The following PHACTR2 variants were observed in gnomAD, a reference collection of about 807,000 sequenced individuals.
PHACTR2 encodes the protein chromosome 6 open reading frame 56.
PHACTR2 carries 30 observed loss-of-function variants against 76.0 expected under a neutral mutation model. The observed-to-expected ratio is 0.39, with a 90% CI of 0.30 to 0.54. The LOEUF (loss-of-function observed/expected upper bound fraction) is 0.54, where lower values mean the gene tolerates loss of function less well. Among genes scored for constraint, PHACTR2 ranks in the 20% least tolerant of loss-of-function variants. The pLI, the probability that PHACTR2 is intolerant of heterozygous loss-of-function variation, is 0.61. For missense variants in PHACTR2, 696 were observed against 781.1 expected (o/e 0.89, Z 1.30); for synonymous variants, 292 against 292.5 (o/e 1.00, Z 0.02).
Position 143,760,639 on chromosome 6 carries a change from T to C in PHACTR2, c.693T>C (p.Ala231=), listed in dbSNP as rs1355099383. The C allele has an allele frequency of 6.2e-7, 1 of 1,613,678 alleles. No homozygotes were observed. The highest frequency in any genetic ancestry group is 8.5e-7 in the Non-Finnish European group (1 of 1,179,806). The change falls in exon 5 of 13, where the codon GCT becomes GCC. Residue 231 remains alanine, a splice_region_variant and synonymous_variant. Transcript: ENST00000440869. This position sits in a 1 kb window ranked among gnomAD's most constrained non-coding sequence, Gnocchi z 6.4. ...KPASRNTTRE[A]AGSSHSKKTT... is the part of the protein sequence containing the mutation. ...CAAGCCGAAACACGACCCGAGAGGC[T>C]GGTGAGTATGCCCCCAGTGCCCTGT... is the stretch of plus-strand genomic sequence containing the variant.
chr6:143,565,859 C>T (rs1166306142), intron 1 of PHACTR2, among the ~76,000 whole-genome samples: 2 of 151,850 alleles, frequency 1.3e-5, no homozygotes, highest in Non-Finnish European at 1.5e-5. Context: ...TCACTTTGGG[C>T]GGGAAGGGGA....
rs1656843577 is a variant in PHACTR2, at chr6:143,646,339, T to C, written c.13+38017T>C. 6.6e-6 allele frequency among the ~76,000 whole-genome samples: 1 copy of C among 152,222 alleles called. No homozygotes were observed. Among genetic ancestry groups the C allele is most frequent in the African/African-American group, 2.4e-5 (1 of 41,468 alleles). On this transcript the variant is annotated intron_variant, in intron 1 of 11. Coordinates refer to the PHACTR2 transcript ENST00000305766. This position sits in a 1 kb window ranked among gnomAD's most constrained non-coding sequence, Gnocchi z 4.1. ...CTCCTAAATAGAACAAGCATTTATC[T>C]AACCTTAATATCATAGCATAACTCC...
At chr6:143,670,928 C>CT (rs35247865) in intron 1 of PHACTR2, among the ~76,000 whole-genome samples, 178 of 145,678 alleles carry the variant, frequency 1.2e-3, no homozygotes, top group East Asian at 4.7e-3. Context: ...AGGCCAAGGC[C>CT]TTTTTTTTTT....
chr6:143,700,025 C>G lies in PHACTR2; in HGVS notation c.47-11991C>G, dbSNP rs952482351. ...GATACTACATGTGGCCACGGTCTCT[C>G]CACAGATACCGGCCTTGGGGACCCT... is the stretch of plus-strand genomic sequence containing the variant. On this transcript the variant is annotated intron_variant, in intron 1 of 12. Transcript: ENST00000440869. This position sits in a 1 kb window ranked among gnomAD's most constrained non-coding sequence, Gnocchi z 4.1. 3.3e-5 allele frequency among the ~76,000 whole-genome samples: 5 copies of G among 152,150 alleles called. No individual in the cohort carries two copies. Among genetic ancestry groups the G allele is most frequent in the African/African-American group, 1.2e-4 (5 of 41,432 alleles).
rs1776906740 is a variant in PHACTR2, at chr6:143,659,338, C to T, written c.13+51016C>T. 6.6e-6 allele frequency among the ~76,000 whole-genome samples: 1 copy of T among 152,164 alleles called. No homozygotes were observed. Among genetic ancestry groups the T allele is most frequent in the Non-Finnish European group, 1.5e-5 (1 of 68,038 alleles). On this transcript the variant is annotated intron_variant, in intron 1 of 11. Transcript: ENST00000305766. This position sits in a 1 kb window ranked among gnomAD's most constrained non-coding sequence, Gnocchi z 5.0. ...AGCAACACGTAGCTTAAGACACAAA[C>T]TCACTGTACAGCTGTATAAAAACCC...
rs1413625236 is a variant in PHACTR2, at chr6:143,790,983, A to T, written c.1845+2073A>T. On this transcript the variant is annotated intron_variant, in intron 11 of 12. Transcript: ENST00000440869. ...TGAGCCATGGCGCCCGGCCAACAAG[A>T]TTCTTAAACTTAATACAGTCGAATT... 4.6e-5 allele frequency among the ~76,000 whole-genome samples: 7 copies of T among 152,272 alleles called. No individual in the cohort carries two copies. The East Asian group carries it at 1.4e-3, about 29-fold the overall frequency.
intron 1 of PHACTR2, among the ~76,000 whole-genome samples, chr6:143,564,113 TA>T (rs1775322652): frequency 6.7e-6 from 1 of 149,818 alleles, no homozygotes; most frequent in African/African-American, 2.4e-5. Flanking sequence ...AGAAAATTGT[TA>T]AACTGTTTAC....
intron 4 of PHACTR2, among the ~76,000 whole-genome samples, chr6:143,758,115 C>T (rs1396907925): frequency 2.6e-5 from 4 of 152,162 alleles, no homozygotes; most frequent in African/African-American, 9.7e-5. Context: ...TCATTTTCTC[C>T]CTAGTAGGTC....
At chr6:143,726,675 A>C (rs1778579056) in intron 2 of PHACTR2, among the ~76,000 whole-genome samples, 1 of 152,136 alleles carries the variant, frequency 6.6e-6, no homozygotes, top group South Asian at 2.1e-4. Flanking sequence ...GGCTGCATCC[A>C]TCTCTTGGCT....
rs1776554783 is a variant in PHACTR2 at position 143,641,074 on chromosome 6, G to A, written c.13+32752G>A. Among the ~76,000 whole-genome samples, 1 of 152,168 alleles carries A rather than the reference G, an allele frequency of 6.6e-6. No homozygotes were observed. The highest frequency in any genetic ancestry group is 6.5e-5 in the Admixed American group (1 of 15,276). On this transcript the variant is annotated intron_variant, in intron 1 of 11. Coordinates refer to the PHACTR2 transcript ENST00000305766. The surrounding 1 kb of genome is among the most constrained non-coding windows in gnomAD (Gnocchi z 5.8). ...GTCCACGATCAAGGTGCTGGCATCTGCTGAGGGCATTCTTCATGACTCAGG... is the reference window on the plus strand; with the variant it reads ...GTCCACGATCAAGGTGCTGGCATCTACTGAGGGCATTCTTCATGACTCAGG...
upstream of PHACTR2, among the ~76,000 whole-genome samples, chr6:143,606,407 G>A (rs1413838671): frequency 6.6e-6 from 1 of 152,244 alleles, no homozygotes; most frequent in East Asian, 1.9e-4. Context: ...TGTTTCGAAC[G>A]ACCAATAAAA....
chr6:143,755,162 G>A lies in PHACTR2; in HGVS notation c.454+1250G>A, dbSNP rs1306463590. 1.7e-5 allele frequency: 7 copies of A among 422,048 alleles called. No individual in the cohort carries two copies. The highest frequency in any genetic ancestry group is 3.4e-5 in the Non-Finnish European group (7 of 208,770). 26.1% of individuals were successfully genotyped at this position (422,048 alleles called of 1,614,324 possible). ...GGTTAAGCTTATGTACACAAATTATGAAATTAACTAATACTTTCAATGATA... is the reference window on the plus strand; with the variant it reads ...GGTTAAGCTTATGTACACAAATTATAAAATTAACTAATACTTTCAATGATA... On this transcript the variant is annotated intron_variant, in intron 4 of 12. Transcript: ENST00000440869. The surrounding 1 kb of genome is among the most constrained non-coding windows in gnomAD (Gnocchi z 5.2).
chr6:143,721,472 A>C (rs1778441080), intron 2 of PHACTR2, among the ~76,000 whole-genome samples: 1 of 152,200 alleles, frequency 6.6e-6, no homozygotes, highest in Non-Finnish European at 1.5e-5. Flanking sequence ...TTAGCCATCT[A>C]GTTCTCTCTC....
At chr6:143,717,145 C>T (rs1778321855) in intron 2 of PHACTR2, among the ~76,000 whole-genome samples, 1 of 152,212 alleles carries the variant, frequency 6.6e-6, no homozygotes, top group Non-Finnish European at 1.5e-5. Context: ...GTCACTGGCT[C>T]AGCATGCCCC....
At chr6:143,685,012 T>C (rs1053443855) in intron 1 of PHACTR2, among the ~76,000 whole-genome samples, 4 of 152,182 alleles carry the variant, frequency 2.6e-5, no homozygotes, top group African/African-American at 9.6e-5. Context: ...ATTCAGGAGA[T>C]TAACCTAATG....
Position 143,830,642 on chromosome 6 carries a change from C to T in PHACTR2, c.*6953C>T, listed in dbSNP as rs1434791479. 1 of 151,966 alleles carries T rather than the reference C, an allele frequency of 6.6e-6. No homozygotes were observed. Among genetic ancestry groups the T allele is most frequent in the Non-Finnish European group, 1.5e-5 (1 of 67,954 alleles). The allele number at this position is 151,966 out of a possible 1,614,324, so 9.4% of individuals were successfully genotyped here. ...GACTATGTATTCCCTTTTTTAATTC[C>T]GTACTGGTATTTGTGTTATTTAAAA... On this transcript the variant is annotated 3_prime_UTR_variant, in exon 13 of 13. Coordinates refer to ENST00000440869, the MANE Select transcript of PHACTR2 (RefSeq NM_001100164.2).
intron 12 of PHACTR2, among the ~76,000 whole-genome samples, chr6:143,813,597 A>G (rs924762581): frequency 4.1e-5 from 6 of 146,890 alleles, no homozygotes; most frequent in South Asian, 2.2e-4. Context: ...CAGCCTGGGC[A>G]ACAGAGCGAG....
At position 143,731,347 on chromosome 6, in the gene PHACTR2, G is replaced by A. The variant is rs1382981409; in HGVS notation, c.215-17638G>A. Among the ~76,000 whole-genome samples, 1 of 151,994 alleles carries A rather than the reference G, an allele frequency of 6.6e-6. No homozygotes were observed. The highest frequency in any genetic ancestry group is 2.4e-5 in the African/African-American group (1 of 41,376). On this transcript the variant is annotated intron_variant, in intron 2 of 12. Coordinates refer to ENST00000440869, the MANE Select transcript of PHACTR2 (RefSeq NM_001100164.2). The surrounding 1 kb of genome is among the most constrained non-coding windows in gnomAD (Gnocchi z 4.9). ...TTGTTGCCCAGGCTGGAGTGCAATGGCACGGTCTTGGCTCACAGCAACCTC... is the reference window on the plus strand; with the variant it reads ...TTGTTGCCCAGGCTGGAGTGCAATGACACGGTCTTGGCTCACAGCAACCTC...
chr6:143,706,977 T>G (rs73778669), intron 1 of PHACTR2, among the ~76,000 whole-genome samples: 1 of 152,168 alleles, frequency 6.6e-6, no homozygotes, highest in African/African-American at 2.4e-5. Context: ...ATTGTTTCAA[T>G]TGAGAGAGAG....
Sources: allele counts gnomAD v4.1 joint callset (sites outside exome capture counted in the v4.1 genomes callset), GRCh38; gene constraint gnomAD v4.1.1; non-coding constraint Gnocchi (gnomAD v3.1); transcripts MANE v1.5; gene names NCBI Gene and HGNC (gene_info 2026-07-23, HGNC 2026-07-21).